Variants in RIMS2 observed in about 807,000 individuals in gnomAD.
The protein encoded by RIMS2 is regulating synaptic membrane exocytosis protein 2.
A neutral mutation model predicts 174.4 loss-of-function variants in RIMS2; 59 were observed. The observed-to-expected ratio is 0.34, with a 90% CI of 0.27 to 0.42. RIMS2 has a LOEUF of 0.42. Ranked by LOEUF, RIMS2 falls within the 10% of genes least tolerant of loss-of-function variation. The pLI, the probability that RIMS2 is intolerant of heterozygous loss-of-function variation, is 1.00. For synonymous variants in RIMS2, 606 were observed against 572.5 expected (o/e 1.06, Z -0.84); for missense variants, 1,620 against 1,666.3 (o/e 0.97, Z 0.48).
chr8:103,908,198 T>G (rs1016068903), intron 4 of RIMS2, among the ~76,000 whole-genome samples: 5 of 152,074 alleles, frequency 3.3e-5, no homozygotes, highest in Non-Finnish European at 5.9e-5. Flanking sequence ...TGCACCACCA[T>G]GCCCAGCTAA....
intron 19 of RIMS2, among the ~76,000 whole-genome samples, chr8:104,112,073 C>T (rs1217233299): frequency 1.3e-5 from 2 of 152,096 alleles, no homozygotes; most frequent in African/African-American, 4.8e-5. Flanking sequence ...TTTCCTATTT[C>T]CACTATTAAT....
chr8:103,761,909 T>C (rs2098116693), intron 2 of RIMS2, among the ~76,000 whole-genome samples: 1 of 152,202 alleles, frequency 6.6e-6, no homozygotes, highest in South Asian at 2.1e-4. Flanking sequence ...CTTTAAACTA[T>C]AATCCCTCCC....
chr8:104,112,435 T>C (rs1224738532), intron 19 of RIMS2, among the ~76,000 whole-genome samples: 2 of 152,074 alleles, frequency 1.3e-5, no homozygotes, highest in South Asian at 2.1e-4. Context: ...TATAGATATA[T>C]TTCTATATAA....
At chr8:104,093,544 A>G (rs1312083885) in intron 19 of RIMS2, 15 of 1,597,140 alleles carry the variant, frequency 9.4e-6, no homozygotes, top group Non-Finnish European at 1.3e-5. Flanking sequence ...GATGTAAGTG[A>G]TATATCTGCG....
At chr8:103,951,660 C>A (rs2085403991) in intron 14 of RIMS2, among the ~76,000 whole-genome samples, 1 of 152,156 alleles carries the variant, frequency 6.6e-6, no homozygotes, top group Admixed American at 6.5e-5. Context: ...GTTTCCAGCA[C>A]AAAACTAGGT....
intron 19 of RIMS2, among the ~76,000 whole-genome samples, chr8:104,215,399 A>G (rs2099125554): frequency 6.6e-6 from 1 of 152,222 alleles, no homozygotes; most frequent in Non-Finnish European, 1.5e-5. Context: ...TTCTAGTCAC[A>G]CTATGGTGTA....
chr8:103,820,787 A>C (rs1423353973), intron 3 of RIMS2, among the ~76,000 whole-genome samples: 2 of 151,818 alleles, frequency 1.3e-5, no homozygotes, highest in African/African-American at 4.8e-5. Flanking sequence ...GACAAATTAA[A>C]AACATCAAAC....
At chr8:104,210,557 T>C (rs908832195) in intron 19 of RIMS2, among the ~76,000 whole-genome samples, 3 of 152,352 alleles carry the variant, frequency 2.0e-5, no homozygotes, top group East Asian at 3.9e-4. Flanking sequence ...ATTCCTCTCC[T>C]GATCTCTACA....
intron 16 of RIMS2, among the ~76,000 whole-genome samples, chr8:103,989,004 A>G (rs575387135): frequency 5.3e-5 from 8 of 152,312 alleles, no homozygotes; most frequent in African/African-American, 1.9e-4. Context: ...TCAGTACTAG[A>G]GACCTGGTAG....
chr8:104,046,105 A>C lies in RIMS2; in HGVS notation c.3334+31490A>C, dbSNP rs531938908. 2.1e-4 allele frequency among the ~76,000 whole-genome samples: 32 copies of C among 152,204 alleles called. No individual in the cohort carries two copies. The South Asian group carries it at 3.5e-3, about 17-fold the overall frequency. ...AAATGTCATAAGCTAGGTGGCTTAT[A>C]ATTCACAAAAATTTATTTCTTACAA... On this transcript the variant is annotated intron_variant, in intron 19 of 23. Transcript: ENST00000504942.
rs2098202060 is a variant in RIMS2 at position 104,112,374 on chromosome 8, A to C, written c.3334+97759A>C. On this transcript the variant is annotated intron_variant, in intron 19 of 23. Transcript: ENST00000504942. ...TAAAAACTGATTTTATAGCTCATGC[A>C]TATGTAATATATGTATATATTTATG... Among the ~76,000 whole-genome samples the C allele has an allele frequency of 2.6e-5, 4 of 152,084 alleles. 1 individual carries two copies. In the South Asian group the frequency reaches 8.3e-4, roughly 31 times the overall value.
intron 14 of RIMS2, among the ~76,000 whole-genome samples, chr8:103,949,455 C>T (rs1045656303): frequency 1.1e-4 from 16 of 151,936 alleles, no homozygotes; most frequent in South Asian, 4.1e-4. Context: ...TATCTGATCA[C>T]GATAGAAATA....
At chr8:104,046,510 T>TA (rs2096698801) in intron 19 of RIMS2, among the ~76,000 whole-genome samples, 1 of 152,120 alleles carries the variant, frequency 6.6e-6, no homozygotes, top group African/African-American at 2.4e-5. Context: ...TTGTTATACT[T>TA]ATGTCCTAAA....
At chr8:104,171,029 TCTGATAGGTTTTCCTTTATAGGTTAC>T (rs2098829184) in intron 19 of RIMS2, among the ~76,000 whole-genome samples, 1 of 152,158 alleles carries the variant, frequency 6.6e-6, no homozygotes, top group South Asian at 2.1e-4. Flanking sequence ...CTGCTGTTAG[TCTGATAGGTTTTCCTTTATAGGTTAC>T]CTGATGCTTT....
At chr8:104,176,908 GCTGA>G (rs1481082493) in intron 19 of RIMS2, among the ~76,000 whole-genome samples, 1 of 151,888 alleles carries the variant, frequency 6.6e-6, no homozygotes, top group Non-Finnish European at 1.5e-5. Context: ...CAAAATAGTT[GCTGA>G]CTAAAAGCAG....
chr8:103,654,893 T>A (rs1442985504), intron 1 of RIMS2, among the ~76,000 whole-genome samples: 1 of 152,014 alleles, frequency 6.6e-6, no homozygotes, highest in Non-Finnish European at 1.5e-5. Context: ...CGAAATATTC[T>A]ACCAGATAGC....
intron 1 of RIMS2, among the ~76,000 whole-genome samples, chr8:103,676,907 C>G (rs1390905194): frequency 6.6e-6 from 1 of 152,204 alleles, no homozygotes; most frequent in South Asian, 2.1e-4. Context: ...TAGCTTGAAC[C>G]CAGAAGGCAG....
chr8:103,984,213 A>AAAAAG (rs2094168413), intron 16 of RIMS2, among the ~76,000 whole-genome samples: 1 of 152,070 alleles, frequency 6.6e-6, no homozygotes, highest in South Asian at 2.1e-4. Context: ...AAAAGGGATC[A>AAAAAG]TATCAAGTTA....
intron 2 of RIMS2, among the ~76,000 whole-genome samples, chr8:103,702,426 C>A (rs1471740555): frequency 6.6e-6 from 1 of 151,966 alleles, no homozygotes; most frequent in Non-Finnish European, 1.5e-5. Flanking sequence ...TGAGCATGAT[C>A]TTTTAGCTTG....
Sources: gnomAD v4.1 joint callset for allele counts (sites outside exome capture counted in the v4.1 genomes callset) on GRCh38, gnomAD v4.1.1 for gene constraint, MANE v1.5 for transcripts, NCBI Gene and HGNC (gene_info 2026-07-23, HGNC 2026-07-21) for gene names.